OLFML2A: variants seen among roughly 807,000 people sequenced by gnomAD.
The protein encoded by OLFML2A is olfactomedin like 2A, also known as olfactomedin-like protein 2A.
Under a neutral mutation model 60.9 loss-of-function variants are expected in OLFML2A, and 47 were observed. The observed-to-expected ratio is 0.77, with a 90% CI of 0.61 to 0.98. The LOEUF is 0.98. Among genes scored for constraint, OLFML2A ranks in the 50% least tolerant of loss-of-function variants. OLFML2A has a pLI of 0.00. For synonymous variants in OLFML2A, 372 were observed against 375.0 expected (o/e 0.99, Z 0.09); for missense variants, 922 against 879.8 (o/e 1.05, Z -0.61).
intron 2 of OLFML2A, among the ~76,000 whole-genome samples, chr9:124,788,637 T>C (rs1180231816): frequency 6.6e-6 from 1 of 151,380 alleles, no homozygotes; most frequent in Non-Finnish European, 1.5e-5. Context: ...AAAGAAACCC[T>C]TGAGCCTCCC....
chr9:124,807,740 G>A (rs1841925180), intron 6 of OLFML2A, 41 bp from the exon 7 acceptor site: 3 of 1,527,054 alleles, frequency 2.0e-6, no homozygotes, highest in Non-Finnish European at 1.8e-6. Context: ...TGGGGGGCTT[G>A]GGGGTCTGTG....
chr9:124,804,455 A>G (rs913634469), intron 6 of OLFML2A, 113 bp downstream of exon 6: 22 of 1,063,374 alleles, frequency 2.1e-5, no homozygotes, highest in Non-Finnish European at 2.9e-5. Context: ...TGAGCATGGT[A>G]GCTCACACCT....
At chr9:124,786,316 G>T (rs938140014) in intron 1 of OLFML2A, among the ~76,000 whole-genome samples, 1 of 152,148 alleles carries the variant, frequency 6.6e-6, no homozygotes, top group African/African-American at 2.4e-5. Context: ...CCAGCTACTA[G>T]GGAGGTTGAA....
chr9:124,787,445 C>A (rs1246878182), intron 2 of OLFML2A, among the ~76,000 whole-genome samples: 1 of 152,178 alleles, frequency 6.6e-6, no homozygotes. Context: ...ATCACCTATT[C>A]CAGTGTCTTA....
At position 124,783,659 on chromosome 9, in the gene OLFML2A, T is replaced by C. The variant is rs190113293; in HGVS notation, c.91-3316T>C. Among the ~76,000 whole-genome samples, 10 of 152,304 alleles carry C rather than the reference T, an allele frequency of 6.6e-5. No homozygotes were observed. The East Asian group carries it at 1.7e-3, about 26-fold the overall frequency. On this transcript the variant is annotated intron_variant, in intron 1 of 7. Transcript: ENST00000373580. ...AGTCTCACTGAGGCTCCAGATGCCA[T>C]GCTCTTAACCTTGTGCTCTAGCATG...
intron 2 of OLFML2A, among the ~76,000 whole-genome samples, chr9:124,787,876 C>T (rs1015767684): frequency 1.3e-5 from 2 of 151,602 alleles, no homozygotes; most frequent in Middle Eastern, 3.4e-3. Flanking sequence ...AGTTCTTAAA[C>T]CATACTGTGA....
chr9:124,803,399 A>C (rs1053208856), intron 5 of OLFML2A, among the ~76,000 whole-genome samples: 1 of 151,994 alleles, frequency 6.6e-6, no homozygotes, highest in African/African-American at 2.4e-5. Flanking sequence ...AATAGCTGGG[A>C]CTACAGGGGC....
rs756880613 is a variant in OLFML2A at position 124,799,518 on chromosome 9, C to T, written c.669+27C>T. The T allele has an allele frequency of 6.5e-6, 10 of 1,536,544 alleles. No homozygotes were observed. In the African/African-American group the frequency reaches 8.2e-5, roughly 13 times the overall value. On this transcript the variant is annotated intron_variant, in intron 4 of 7. Coordinates refer to ENST00000373580, the MANE Select transcript of OLFML2A (RefSeq NM_182487.4). The stretch of plus-strand genomic sequence containing the variant: ...TGAGGCCCCAGCTCTGATCATGGGG[C>T]CGGAGCTGGCTGAACTTGGGAGCTC...
chr9:124,782,898 G>T (rs573979364), intron 1 of OLFML2A, among the ~76,000 whole-genome samples: 1 of 152,084 alleles, frequency 6.6e-6, no homozygotes, highest in Non-Finnish European at 1.5e-5. Context: ...ACATCTACCC[G>T]CTAGGCTCTT....
intron 6 of OLFML2A, 117 bp downstream of exon 6, chr9:124,804,459 C>A: frequency 9.7e-7 from 1 of 1,035,644 alleles, no homozygotes; most frequent in East Asian, 2.6e-5. Context: ...CATGGTAGCT[C>A]ACACCTGTAA....
intron 4 of OLFML2A, among the ~76,000 whole-genome samples, chr9:124,800,644 C>T (rs1186738760): frequency 4.6e-5 from 7 of 152,238 alleles, no homozygotes; most frequent in Non-Finnish European, 1.0e-4. Flanking sequence ...GAAGCCTGTG[C>T]CTTGGCCCCC....
chr9:124,805,814 T>G (rs1337115175), intron 6 of OLFML2A, among the ~76,000 whole-genome samples: 16 of 129,122 alleles, frequency 1.2e-4, no homozygotes, highest in African/African-American at 4.6e-4. Context: ...TTTGGTTTTT[T>G]TTTTTTTTTT....
rs1013305710 is a variant in OLFML2A at position 124,777,410 on chromosome 9, G to A, written c.90+50G>A. 9.0e-6 allele frequency: 11 copies of A among 1,223,536 alleles called. No homozygotes were observed. The highest frequency in any genetic ancestry group is 1.1e-5 in the Non-Finnish European group (11 of 981,772). 75.8% of individuals were successfully genotyped at this position (1,223,536 alleles called of 1,614,324 possible). On this transcript the variant is annotated intron_variant, in intron 1 of 7. Coordinates refer to ENST00000373580, the MANE Select transcript of OLFML2A (RefSeq NM_182487.4). This position sits in a 1 kb window ranked among gnomAD's most constrained non-coding sequence, Gnocchi z 6.2. ...CGGCTCGGCGGGTAGCGGGGCGCGA[G>A]GGGGCGCTGTGGCTGGGGTGCGGCC...
chr9:124,805,250 G>T (rs1841868301), intron 6 of OLFML2A, among the ~76,000 whole-genome samples: 1 of 152,028 alleles, frequency 6.6e-6, no homozygotes, highest in South Asian at 2.1e-4. Flanking sequence ...TTTGGTCCAA[G>T]GTCATTCCAC....
intron 6 of OLFML2A, among the ~76,000 whole-genome samples, chr9:124,805,666 T>C (rs1841879067): frequency 6.6e-6 from 1 of 152,106 alleles, no homozygotes; most frequent in Non-Finnish European, 1.5e-5. Context: ...GGCTGCAGTG[T>C]ATACTGCTCA....
rs935380081 is a variant in OLFML2A at position 124,777,901 on chromosome 9, A to G, written c.90+541A>G. ...GCTGTTCTCTGCTGTGGCTAAGAGG[A>G]TCTGCTCTGGTGTCAAGCCGACCTG... On this transcript the variant is annotated intron_variant, in intron 1 of 7. Transcript: ENST00000373580. The surrounding 1 kb of genome is among the most constrained non-coding windows in gnomAD (Gnocchi z 6.2). Among the ~76,000 whole-genome samples, 1 of 152,054 alleles carries G rather than the reference A, an allele frequency of 6.6e-6. No individual in the cohort carries two copies. Among genetic ancestry groups the G allele is most frequent in the African/African-American group, 2.4e-5 (1 of 41,374 alleles).
intron 4 of OLFML2A, 120 bp from the exon 5 acceptor site, chr9:124,801,294 C>A: frequency 1.8e-6 from 2 of 1,102,964 alleles, no homozygotes; most frequent in Non-Finnish European, 2.7e-6. Context: ...TTTGTGAGTG[C>A]TTGGGACATA....
intron 4 of OLFML2A, chr9:124,800,838 A>T: frequency 7.1e-7 from 1 of 1,407,658 alleles, no homozygotes; most frequent in Non-Finnish European, 9.3e-7. Flanking sequence ...TTTAAATAGG[A>T]AGTGAAAATA....
At chr9:124,800,424 G>A (rs1288682253) in intron 4 of OLFML2A, among the ~76,000 whole-genome samples, 1 of 152,226 alleles carries the variant, frequency 6.6e-6, no homozygotes, top group Admixed American at 6.5e-5. Flanking sequence ...GAGGAGGGGC[G>A]ACCCCTGCCC....
Sources: allele counts gnomAD v4.1 joint callset (sites outside exome capture counted in the v4.1 genomes callset), GRCh38; gene constraint gnomAD v4.1.1; non-coding constraint Gnocchi (gnomAD v3.1); transcripts MANE v1.5; gene names NCBI Gene and HGNC (gene_info 2026-07-23, HGNC 2026-07-21).